Variants in ST6GALNAC3 observed in about 807,000 individuals in gnomAD.
The protein encoded by ST6GALNAC3 is alpha-N-acetylgalactosaminide alpha-2,6-sialyltransferase 3.
A neutral mutation model predicts 32.7 loss-of-function variants in ST6GALNAC3; 25 were observed. The ratio of observed to expected loss-of-function variants is 0.76; its 90% CI spans 0.56 to 1.07. The LOEUF is 1.07. Among genes scored for constraint, ST6GALNAC3 ranks in the 50% least tolerant of loss-of-function variants. The probability of loss-of-function intolerance (pLI) is 0.00; values close to 1 mark genes in which losing one functional copy is unlikely to be tolerated. For synonymous variants in ST6GALNAC3, 129 were observed against 133.1 expected, an observed-to-expected ratio of 0.97 and a Z score of 0.21; for missense variants, 355 against 382.4, an observed-to-expected ratio of 0.93 and a Z score of 0.60.
chr1:76,086,035 A>G (rs923831197), intron 1 of ST6GALNAC3, among the ~76,000 whole-genome samples: 10 of 152,206 alleles, frequency 6.6e-5, no homozygotes, highest in African/African-American at 2.4e-4. Context: ...AGGGGCTGGG[A>G]CTAAAATTAA....
intron 1 of ST6GALNAC3, among the ~76,000 whole-genome samples, chr1:76,209,030 G>C (rs1052964868): frequency 1.3e-5 from 2 of 152,126 alleles, no homozygotes; most frequent in African/African-American, 4.8e-5. Context: ...CAAAGCTTTT[G>C]TGTCTAGTGG....
intron 3 of ST6GALNAC3, among the ~76,000 whole-genome samples, chr1:76,579,449 T>TA (rs1646860239): frequency 6.6e-6 from 1 of 152,060 alleles, no homozygotes; most frequent in African/African-American, 2.4e-5. Flanking sequence ...AATCCCACAC[T>TA]AAAAAAATTC....
chr1:76,377,898 G>A (rs761601136), intron 2 of ST6GALNAC3, among the ~76,000 whole-genome samples: 9 of 152,100 alleles, frequency 5.9e-5, no homozygotes, highest in South Asian at 2.1e-4. Context: ...TACTGGGGTC[G>A]CAGGGGTTGC....
chr1:76,102,621 T>C (rs1186809913), intron 1 of ST6GALNAC3, among the ~76,000 whole-genome samples: 3 of 152,092 alleles, frequency 2.0e-5, no homozygotes, highest in African/African-American at 7.2e-5. Flanking sequence ...GATTATAGTA[T>C]GCATCTTGAC....
intron 1 of ST6GALNAC3, among the ~76,000 whole-genome samples, chr1:76,197,547 A>G (rs1472651897): frequency 1.3e-5 from 2 of 152,182 alleles, no homozygotes; most frequent in Non-Finnish European, 2.9e-5. Context: ...GAGGCTTTGA[A>G]TTCGTTAGGT....
At chr1:76,174,424 T>A (rs1427726034) in intron 1 of ST6GALNAC3, among the ~76,000 whole-genome samples, 1 of 151,294 alleles carries the variant, frequency 6.6e-6, no homozygotes, top group Admixed American at 6.6e-5. Context: ...TGCACATGTA[T>A]CTCATTGTTT....
At chr1:76,124,786 T>C (rs1470266461) in intron 1 of ST6GALNAC3, among the ~76,000 whole-genome samples, 2 of 152,180 alleles carry the variant, frequency 1.3e-5, no homozygotes, top group Non-Finnish European at 2.9e-5. Flanking sequence ...AACTTGGGGG[T>C]AAAATATTTG....
At chr1:76,233,159 C>T (rs182761440) in intron 1 of ST6GALNAC3, among the ~76,000 whole-genome samples, 13 of 152,256 alleles carry the variant, frequency 8.5e-5, no homozygotes, top group African/African-American at 3.1e-4. Flanking sequence ...CTCCCAAATT[C>T]TTCTACAGTA....
intron 3 of ST6GALNAC3, among the ~76,000 whole-genome samples, chr1:76,581,686 A>G (rs1646893975): frequency 6.6e-6 from 1 of 152,124 alleles, no homozygotes; most frequent in South Asian, 2.1e-4. Flanking sequence ...AACATTGGCA[A>G]TTTCATATTT....
intron 3 of ST6GALNAC3, among the ~76,000 whole-genome samples, chr1:76,433,106 C>G (rs1368621682): frequency 2.0e-5 from 3 of 152,062 alleles, no homozygotes; most frequent in Non-Finnish European, 4.4e-5. Flanking sequence ...GAGCTCTTGC[C>G]TCTGACACAC....
At chr1:76,590,447 T>G (rs982540226) in intron 3 of ST6GALNAC3, among the ~76,000 whole-genome samples, 1 of 152,140 alleles carries the variant, frequency 6.6e-6, no homozygotes, top group African/African-American at 2.4e-5. Flanking sequence ...GAACCATATA[T>G]TAGAAAAGGA....
chr1:76,346,546 G>A (rs561145447), intron 2 of ST6GALNAC3, among the ~76,000 whole-genome samples: 1 of 152,348 alleles, frequency 6.6e-6, no homozygotes, highest in Admixed American at 6.5e-5. Context: ...AGGCAAGGTT[G>A]GTACAAATGC....
intron 3 of ST6GALNAC3, among the ~76,000 whole-genome samples, chr1:76,500,592 T>G (rs6700215): frequency 0.14 from 21,896 of 152,178 alleles, 3,345 homozygotes; most frequent in African/African-American, 0.39. Context: ...AAATTTATTT[T>G]CCCCTTTTAA....
At chr1:76,457,579 G>A (rs936988839) in intron 3 of ST6GALNAC3, among the ~76,000 whole-genome samples, 199 of 151,278 alleles carry the variant, frequency 1.3e-3, no homozygotes, top group Non-Finnish European at 2.1e-3. Context: ...AAATAATGCC[G>A]CATATCTACA....
chr1:76,487,297 C>T (rs1660187034), intron 3 of ST6GALNAC3, among the ~76,000 whole-genome samples: 1 of 152,138 alleles, frequency 6.6e-6, no homozygotes, highest in African/African-American at 2.4e-5. Context: ...GGGGAGTTCT[C>T]CTGGATAATA....
rs1454542102 is a variant in ST6GALNAC3, at chr1:76,412,015, A to G, written c.221A>G (p.Gln74Arg). Residue 74 changes from glutamine (Q) to arginine (R), a missense_variant, in exon 3 of 5, where the codon CAA becomes CGA. By Grantham distance (43) the Gln-to-Arg change is conservative. Transcript: ENST00000328299. ...YINVKTQEPL[Q>R]LDCDLCAIVS... Reference sequence around the variant, plus strand: ...TCTTTCTCTATTTTTCAGCCTTTGCAACTGGACTGTGACCTTTGTGCCATA... The same window carrying G: ...TCTTTCTCTATTTTTCAGCCTTTGCGACTGGACTGTGACCTTTGTGCCATA... 2 of 1,611,594 alleles carry G rather than the reference A, an allele frequency of 1.2e-6. No homozygotes were observed. The highest frequency in any genetic ancestry group is 1.7e-6 in the Non-Finnish European group (2 of 1,178,562).
At chr1:76,314,104 C>A in intron 2 of ST6GALNAC3, 105 bp downstream of exon 2, 1 of 1,102,346 alleles carries the variant, frequency 9.1e-7, no homozygotes, top group East Asian at 2.6e-5. Flanking sequence ...CTGTCTGCCC[C>A]GGAGAGCTTG....
intron 2 of ST6GALNAC3, chr1:76,353,637 A>C (rs1649186174): frequency 6.4e-6 from 1 of 155,314 alleles, no homozygotes; most frequent in East Asian, 1.9e-4. Flanking sequence ...GGTCAGGTTC[A>C]TGCAAGGCCT....
At chr1:76,124,412 G>A (rs1302827506) in intron 1 of ST6GALNAC3, among the ~76,000 whole-genome samples, 1 of 152,196 alleles carries the variant, frequency 6.6e-6, no homozygotes, top group Non-Finnish European at 1.5e-5. Context: ...CTGGGCTGGG[G>A]AGGGGCCTGT....
Sources: allele counts gnomAD v4.1 joint callset (sites outside exome capture counted in the v4.1 genomes callset), GRCh38; gene constraint gnomAD v4.1.1; transcripts MANE v1.5; gene names NCBI Gene and HGNC (gene_info 2026-07-23, HGNC 2026-07-21).